LARGE1: variants seen among roughly 807,000 people sequenced by gnomAD.
LARGE1 encodes LARGE xylosyl- and glucuronyltransferase 1, also known as xylosyl- and glucuronyltransferase LARGE1.
Under a neutral mutation model 87.6 loss-of-function variants are expected in LARGE1, and 43 were observed. That is an observed-to-expected ratio of 0.49 (90% confidence interval 0.38 to 0.63). The LOEUF is 0.63. Ranked by LOEUF, LARGE1 falls within the 30% of genes least tolerant of loss-of-function variation. LARGE1 has a pLI of 0.00. For missense variants in LARGE1, 802 were observed against 1,000.2 expected (o/e 0.80, Z 2.67); for synonymous variants, 434 against 394.6 (o/e 1.10, Z -1.18).
chr22:33,298,497 T>C (rs775736595), intron 12 of LARGE1, among the ~76,000 whole-genome samples: 2 of 152,180 alleles, frequency 1.3e-5, no homozygotes, highest in African/African-American at 2.4e-5. Context: ...GTTAAGTGCC[T>C]TTCCCAAGGT....
chr22:33,514,107 T>C (rs1386853385), intron 6 of LARGE1, among the ~76,000 whole-genome samples: 1 of 152,206 alleles, frequency 6.6e-6, no homozygotes, highest in Non-Finnish European at 1.5e-5. Flanking sequence ...CACTCAGTGA[T>C]GTTTGCACAA....
intron 1 of LARGE1, among the ~76,000 whole-genome samples, chr22:33,869,414 A>G (rs79442817): frequency 0.049 from 7,385 of 152,246 alleles, 249 homozygotes; most frequent in Non-Finnish European, 0.078. Flanking sequence ...AAAAAAAAGT[A>G]TTCTCCATTC....
intron 4 of LARGE1, among the ~76,000 whole-genome samples, chr22:33,617,853 C>T (rs1453329831): frequency 6.6e-6 from 1 of 152,198 alleles, no homozygotes; most frequent in Non-Finnish European, 1.5e-5. Context: ...TCCTTAACTG[C>T]TCCCTTGTTC....
chr22:33,431,935 C>A (rs1467850889), intron 7 of LARGE1, among the ~76,000 whole-genome samples: 3 of 152,144 alleles, frequency 2.0e-5, no homozygotes, highest in Admixed American at 2.0e-4. Flanking sequence ...AGGAGAGGGG[C>A]TTTCTGGTGA....
the LARGE1 span, among the ~76,000 whole-genome samples, chr22:33,069,929 A>C: frequency 6.7e-6 from 1 of 150,122 alleles, no homozygotes; most frequent in Non-Finnish European, 1.5e-5. Flanking sequence ...GGTTCAAACT[A>C]TTCACCTGCC....
chr22:33,556,014 G>C (rs922370357), intron 6 of LARGE1, among the ~76,000 whole-genome samples: 2 of 151,860 alleles, frequency 1.3e-5, no homozygotes, highest in Non-Finnish European at 2.9e-5. Flanking sequence ...TGGATCTCAG[G>C]GCTTCACATA....
At chr22:33,784,457 G>A (rs1207030914) in intron 1 of LARGE1, among the ~76,000 whole-genome samples, 4 of 152,130 alleles carry the variant, frequency 2.6e-5, no homozygotes, top group Non-Finnish European at 4.4e-5. Flanking sequence ...TGTGTATAGC[G>A]TGGGAGCTCC....
At chr22:33,700,809 G>A (rs2082384665) in intron 2 of LARGE1, among the ~76,000 whole-genome samples, 1 of 152,172 alleles carries the variant, frequency 6.6e-6, no homozygotes, top group Non-Finnish European at 1.5e-5. Flanking sequence ...ATTTTGTTCT[G>A]GGAAGAGTGG....
intron 1 of LARGE1, among the ~76,000 whole-genome samples, chr22:33,844,079 CAAA>C (rs34588361): frequency 5.7e-5 from 7 of 122,804 alleles, no homozygotes; most frequent in Admixed American, 7.9e-5. Context: ...AACTCCGTCT[CAAA>C]AAAAAAAAAA....
intron 6 of LARGE1, among the ~76,000 whole-genome samples, chr22:33,448,559 T>C (rs2067783423): frequency 6.6e-6 from 1 of 152,164 alleles, no homozygotes. Flanking sequence ...AGCCCTGTGG[T>C]CTTGCTTGTC....
chr22:33,320,317 C>A (rs1162546679), intron 10 of LARGE1, among the ~76,000 whole-genome samples: 1 of 152,162 alleles, frequency 6.6e-6, no homozygotes, highest in Non-Finnish European at 1.5e-5. Flanking sequence ...CCCTCCCTCA[C>A]TTCACTCCAC....
intron 6 of LARGE1, among the ~76,000 whole-genome samples, chr22:33,556,580 CAGGCAGGA>C (rs1569266945): frequency 2.2e-5 from 1 of 44,944 alleles, no homozygotes; most frequent in Non-Finnish European, 5.3e-5. Flanking sequence ...GGCAGGCAGG[CAGGCAGGA>C]AGGCAGGCAG....
chr22:33,241,249 A>G (rs1002234311), intron 11 of LARGE1, among the ~76,000 whole-genome samples: 1 of 152,146 alleles, frequency 6.6e-6, no homozygotes, highest in African/African-American at 2.4e-5. Context: ...ACCTGAGCAC[A>G]TCCTGTTACT....
chr22:33,290,994 G>A (rs1932438414), intron 12 of LARGE1, among the ~76,000 whole-genome samples: 1 of 151,516 alleles, frequency 6.6e-6, no homozygotes, highest in Non-Finnish European at 1.5e-5. Context: ...AGCTGAGATT[G>A]CACCACTGCA....
Position 33,597,350 on chromosome 22 carries a change from C to T in LARGE1, c.615+7085G>A, listed in dbSNP as rs115258741. Among the ~76,000 whole-genome samples, 382 of 151,248 alleles carry T rather than the reference C, an allele frequency of 2.5e-3. 2 individuals carry two copies. Among genetic ancestry groups the T allele is most frequent in the African/African-American group, 8.8e-3 (362 of 41,212 alleles). Reference sequence around the variant, plus strand: ...CCCTAGAATCCTATGATTTCATGCTCTCTTCAGTCTCTCCCAGAAGAAAAT... The same window carrying T: ...CCCTAGAATCCTATGATTTCATGCTTTCTTCAGTCTCTCCCAGAAGAAAAT... On this transcript the variant is annotated intron_variant, in intron 5 of 14. Transcript: ENST00000397394.
chr22:33,921,801 G>T (rs1372313622), upstream of LARGE1, among the ~76,000 whole-genome samples: 1 of 152,122 alleles, frequency 6.6e-6, no homozygotes, highest in Non-Finnish European at 1.5e-5. The surrounding 1 kb of genome is among the most constrained non-coding windows in gnomAD (Gnocchi z 4.1). Flanking sequence ...AGGGACCAGG[G>T]TGGGGGTACG....
chr22:33,619,798 T>C (rs1433534066), intron 4 of LARGE1, among the ~76,000 whole-genome samples: 1 of 152,160 alleles, frequency 6.6e-6, no homozygotes, highest in Admixed American at 6.5e-5. Flanking sequence ...TGCATTACCA[T>C]CTGGAAAACA....
intron 4 of LARGE1, 91 bp downstream of exon 4, chr22:33,626,153 G>C: frequency 9.5e-7 from 1 of 1,049,412 alleles, no homozygotes; most frequent in Non-Finnish European, 1.5e-6. Flanking sequence ...TGATTGATGA[G>C]AAATTTTGCT....
intron 7 of LARGE1, among the ~76,000 whole-genome samples, chr22:33,424,622 C>A (rs746035683): frequency 5.3e-5 from 8 of 151,846 alleles, no homozygotes; most frequent in Non-Finnish European, 1.2e-4. Flanking sequence ...GCTCAGGATT[C>A]GAGACCAGCC....
Sources: allele counts gnomAD v4.1 joint callset (sites outside exome capture counted in the v4.1 genomes callset), GRCh38; gene constraint gnomAD v4.1.1; non-coding constraint Gnocchi (gnomAD v3.1); transcripts MANE v1.5; gene names NCBI Gene and HGNC (gene_info 2026-07-23, HGNC 2026-07-21).